The following PHF7 variants were observed in gnomAD, a reference collection of about 807,000 sequenced individuals.
PHF7 encodes E3 ubiquitin-protein ligase PHF7.
A neutral mutation model predicts 47.5 loss-of-function variants in PHF7; 24 were observed. The ratio of observed to expected loss-of-function variants is 0.51; its 90% CI spans 0.37 to 0.71. The LOEUF is 0.71. PHF7 is among the 30% of genes least tolerant of loss of function. PHF7 has a pLI of 0.00. For missense variants in PHF7, 361 were observed against 456.8 expected, an observed-to-expected ratio of 0.79 and a Z score of 1.91; for synonymous variants, 156 against 153.8, an observed-to-expected ratio of 1.01 and a Z score of -0.11.
At chr3:52,413,422 G>A (rs1330405511) in intron 2 of PHF7, among the ~76,000 whole-genome samples, 1 of 152,122 alleles carries the variant, frequency 6.6e-6, no homozygotes, top group Non-Finnish European at 1.5e-5. Context: ...AGTAAAAGAG[G>A]GTTTGCTCTT....
chr3:52,421,789 G>T (rs1373621868), intron 8 of PHF7, 35 bp downstream of exon 8: 4 of 1,133,760 alleles, frequency 3.5e-6, no homozygotes, highest in East Asian at 2.4e-5. Flanking sequence ...CTGAGCCAGG[G>T]AGTGGGTTGC....
rs1160321982 is a variant in PHF7, at chr3:52,411,167, G to A, written c.-150G>A. ...CCTCAGATGTTTTGAAGATCGTGAC[G>A]TCTTGTAACTAGCAGTGTGTGCACA... On this transcript the variant is annotated 5_prime_UTR_variant, in exon 1 of 11. Transcript: ENST00000327906. 1 of 152,232 alleles carries A rather than the reference G, an allele frequency of 6.6e-6. No homozygotes were observed. Among genetic ancestry groups the A allele is most frequent in the Non-Finnish European group, 1.5e-5 (1 of 68,056 alleles). 9.4% of individuals were successfully genotyped at this position (152,232 alleles called of 1,614,324 possible).
intron 8 of PHF7, 133 bp downstream of exon 8, chr3:52,421,887 G>T: frequency 1.7e-6 from 1 of 598,022 alleles, no homozygotes. Context: ...GGAGGAGGGA[G>T]TGCTTTTCAA....
intron 4 of PHF7, 104 bp downstream of exon 4, chr3:52,414,691 T>C (rs1705567380): frequency 3.1e-6 from 2 of 645,768 alleles, no homozygotes; most frequent in Non-Finnish European, 5.3e-6. Context: ...TTTTTTATTT[T>C]TCTTAATAGC....
chr3:52,411,882 A>G (rs1375699900), intron 1 of PHF7, among the ~76,000 whole-genome samples: 2 of 152,256 alleles, frequency 1.3e-5, no homozygotes, highest in Admixed American at 6.5e-5. Context: ...GGTTGGGTAC[A>G]GACCATATCT....
At chr3:52,413,534 T>TA (rs1237814233) in intron 2 of PHF7, among the ~76,000 whole-genome samples, 2 of 151,928 alleles carry the variant, frequency 1.3e-5, no homozygotes, top group Non-Finnish European at 2.9e-5. Flanking sequence ...GTTTTGCACT[T>TA]AAAAAAAATA....
chr3:52,413,001 C>T (rs1292083275), intron 2 of PHF7, 81 bp downstream of exon 2: 3 of 1,085,006 alleles, frequency 2.8e-6, no homozygotes, highest in Admixed American at 1.7e-5. Context: ...CCCCCTTTGT[C>T]GTAGTCTTGG....
intron 6 of PHF7, 81 bp downstream of exon 6, chr3:52,420,516 A>T: frequency 7.3e-7 from 1 of 1,372,900 alleles, no homozygotes; most frequent in Non-Finnish European, 1.0e-6. Context: ...TCCAGTTCTC[A>T]CAAGCAGGCC....
At chr3:52,421,876 G>A (rs1311603195) in intron 8 of PHF7, 122 bp downstream of exon 8, 1 of 644,122 alleles carries the variant, frequency 1.6e-6, no homozygotes, top group Non-Finnish European at 2.8e-6. Context: ...AAGAAGGAAG[G>A]GGAGGAGGGA....
intron 3 of PHF7, 64 bp from the exon 4 acceptor site, chr3:52,414,432 C>A: frequency 1.1e-6 from 1 of 913,976 alleles, no homozygotes; most frequent in South Asian, 1.4e-5. Context: ...TGGTTACATT[C>A]TCACCCTTCT....
intron 4 of PHF7, among the ~76,000 whole-genome samples, chr3:52,418,538 A>G (rs1329893072): frequency 2.0e-5 from 3 of 152,212 alleles, no homozygotes; most frequent in South Asian, 2.1e-4. Flanking sequence ...CAAAAGTTCA[A>G]TTCCTTCCCC....
In PHF7 at chr3:52,420,890, T is replaced by G. The variant is rs1194913414; in HGVS notation, c.414-13T>G. The G allele has an allele frequency of 6.3e-7, 1 of 1,599,852 alleles. No homozygotes were observed. Among genetic ancestry groups the G allele is most frequent in the Admixed American group, 1.7e-5 (1 of 58,418 alleles). On this transcript the variant is annotated splice_polypyrimidine_tract_variant and intron_variant, in intron 6 of 10. Coordinates refer to ENST00000327906, the MANE Select transcript of PHF7 (RefSeq NM_016483.7). ...ATGACAAACCAGAAACCAAGTCTGT[T>G]TACCTGCCACAGATCATTTTGTGAC... is the stretch of plus-strand genomic sequence containing the variant.
rs897909959 is a variant in PHF7 at position 52,420,956 on chromosome 3, G to C, written c.467G>C (p.Gly156Ala). 5 of 1,613,550 alleles carry C rather than the reference G, an allele frequency of 3.1e-6. No individual in the cohort carries two copies. Among genetic ancestry groups the C allele is most frequent in the Non-Finnish European group, 2.5e-6 (3 of 1,179,616 alleles). ...PTQNIQHGHV[G>A]EESCILCCED... is the part of the protein sequence containing the mutation. ...CAGAACATCCAACATGGGCATGTGG[G>C]GGAGGAAAGCTGCATCTTATGTTGT... The change falls in exon 7 of 11, where the codon GGG (glycine) becomes GCG (alanine). Residue 156 changes from glycine to alanine, a missense_variant. Transcript: ENST00000327906.
At chr3:52,419,717 C>T in intron 4 of PHF7, 116 bp from the exon 5 acceptor site, 1 of 730,676 alleles carries the variant, frequency 1.4e-6, no homozygotes, top group Non-Finnish European at 2.5e-6. Flanking sequence ...AGGCATGAGC[C>T]ACCACACCCG....
chr3:52,420,173 G>A (rs1043948324), intron 5 of PHF7, 138 bp from the exon 6 acceptor site: 3 of 963,374 alleles, frequency 3.1e-6, no homozygotes, highest in Admixed American at 3.4e-5. Flanking sequence ...GCTTCCGGGT[G>A]CCCCAGAGCA....
intron 4 of PHF7, among the ~76,000 whole-genome samples, chr3:52,418,346 A>G (rs1285909257): frequency 6.6e-6 from 1 of 152,146 alleles, no homozygotes; most frequent in Admixed American, 6.5e-5. Context: ...GCTTTTTTCC[A>G]TCATATATAT....
intron 1 of PHF7, 120 bp from the exon 2 acceptor site, chr3:52,412,686 TAGAAC>T (rs1705488678): frequency 1.7e-6 from 1 of 600,778 alleles, no homozygotes; most frequent in African/African-American, 1.9e-5. Flanking sequence ...GTCAAGTACC[TAGAAC>T]AGTCCCTTTT....
At chr3:52,418,628 C>T (rs1196901262) in intron 4 of PHF7, among the ~76,000 whole-genome samples, 2 of 152,072 alleles carry the variant, frequency 1.3e-5, no homozygotes, top group African/African-American at 2.4e-5. Context: ...AGTATTTTCT[C>T]TGTACTAAGA....
In PHF7 at chr3:52,423,097, T is replaced by C. The variant is rs1339676403; in HGVS notation, c.926T>C (p.Ile309Thr). ...CCTGCCTTTCTCTCACCAGACTACA[T>C]ACCTGAAAACTCAGGGGACATCCCT... Reference protein sequence around the residue: ...ECSPAAATDYIPENSGDIPCC... With the variant: ...ECSPAAATDYTPENSGDIPCC... Residue 309 changes from isoleucine (I) to threonine (T), a missense_variant, in exon 11 of 11, where the codon ATA (isoleucine) becomes ACA (threonine). Transcript: ENST00000327906. The C allele has an allele frequency of 6.2e-7, 1 of 1,609,164 alleles. No individual in the cohort carries two copies. Among genetic ancestry groups the C allele is most frequent in the Non-Finnish European group, 8.5e-7 (1 of 1,175,518 alleles).
Sources: gnomAD v4.1 joint callset for allele counts (sites outside exome capture counted in the v4.1 genomes callset) on GRCh38, gnomAD v4.1.1 for gene constraint, MANE v1.5 for transcripts, NCBI Gene and HGNC (gene_info 2026-07-23, HGNC 2026-07-21) for gene names.